Variants in FAR2 observed in about 807,000 individuals in gnomAD.
FAR2 encodes the protein epididymis secretory protein Li 81.
Under a neutral mutation model 56.0 loss-of-function variants are expected in FAR2, and 19 were observed. The observed-to-expected ratio is 0.34, with a 90% CI of 0.24 to 0.50. The LOEUF (loss-of-function observed/expected upper bound fraction) is 0.50, where lower values mean the gene tolerates loss of function less well. FAR2 is among the 20% of genes least tolerant of loss of function. The probability of loss-of-function intolerance (pLI) is 0.98; values close to 1 mark genes in which losing one functional copy is unlikely to be tolerated. For missense variants in FAR2, 508 were observed against 642.2 expected, an observed-to-expected ratio of 0.79 and a Z score of 2.26; for synonymous variants, 219 against 218.8, an observed-to-expected ratio of 1.00 and a Z score of -0.01.
chr12:29,254,064 C>T (rs932153309), intron 1 of FAR2, among the ~76,000 whole-genome samples: 6 of 152,140 alleles, frequency 3.9e-5, no homozygotes, highest in Admixed American at 2.6e-4. Flanking sequence ...GACTATCTCT[C>T]CCCAGCTGGG....
intron 1 of FAR2, among the ~76,000 whole-genome samples, chr12:29,269,996 C>G (rs1042918113): frequency 3.3e-5 from 5 of 152,190 alleles, no homozygotes; most frequent in African/African-American, 7.2e-5. Context: ...ACACCATGAC[C>G]CCAGCCCTTC....
intron 1 of FAR2, among the ~76,000 whole-genome samples, chr12:29,208,901 C>A (rs1947508387): frequency 6.6e-6 from 1 of 152,022 alleles, no homozygotes; most frequent in African/African-American, 2.4e-5. Context: ...GTTCCAATGG[C>A]AAAATGCAAC....
At chr12:29,295,179 T>G (rs1949038947) in intron 3 of FAR2, among the ~76,000 whole-genome samples, 1 of 152,184 alleles carries the variant, frequency 6.6e-6, no homozygotes, top group African/African-American at 2.4e-5. Context: ...TTCAAGTGAT[T>G]CTTTTGCCTC....
At chr12:29,257,199 C>T (rs1413611149) in intron 1 of FAR2, among the ~76,000 whole-genome samples, 1 of 151,838 alleles carries the variant, frequency 6.6e-6, no homozygotes, top group African/African-American at 2.4e-5. Flanking sequence ...GGTTTGTAAA[C>T]ACACCAATCA....
chr12:29,238,216 A>AT (rs35944690), intron 1 of FAR2, among the ~76,000 whole-genome samples: 46,571 of 151,876 alleles, frequency 0.31, 8,983 homozygotes, highest in Admixed American at 0.46. Flanking sequence ...GTAAGGCCAG[A>AT]TTTTTTTCCT....
At chr12:29,167,630 C>A (rs1363365173) in intron 1 of FAR2, among the ~76,000 whole-genome samples, 1 of 152,140 alleles carries the variant, frequency 6.6e-6, no homozygotes, top group African/African-American at 2.4e-5. Context: ...ATCACTTTTC[C>A]TCTTGTGGTT....
intron 9 of FAR2, among the ~76,000 whole-genome samples, chr12:29,320,467 C>T (rs1244760139): frequency 6.6e-6 from 1 of 152,120 alleles, no homozygotes; most frequent in African/African-American, 2.4e-5. Context: ...AAGAAATTTC[C>T]TATGATACAG....
At chr12:29,234,961 C>G (rs536341221) in intron 1 of FAR2, among the ~76,000 whole-genome samples, 1 of 152,094 alleles carries the variant, frequency 6.6e-6, no homozygotes, top group Non-Finnish European at 1.5e-5. Context: ...ATTACAATAT[C>G]TTGGAGAGTG....
At chr12:29,248,765 C>T (rs919529944) in intron 1 of FAR2, among the ~76,000 whole-genome samples, 3 of 152,144 alleles carry the variant, frequency 2.0e-5, no homozygotes, top group Non-Finnish European at 4.4e-5. Flanking sequence ...AAGATGGCCA[C>T]GCCCAGCGGG....
At chr12:29,308,283 G>C (rs971887889) in intron 5 of FAR2, among the ~76,000 whole-genome samples, 1 of 152,094 alleles carries the variant, frequency 6.6e-6, no homozygotes, top group African/African-American at 2.4e-5. Context: ...ATGACCTTTT[G>C]AAAGTACTTT....
chr12:29,293,925 G>A (rs1949014863), intron 3 of FAR2, among the ~76,000 whole-genome samples: 1 of 152,032 alleles, frequency 6.6e-6, no homozygotes, highest in South Asian at 2.1e-4. Flanking sequence ...ACATCTGTGT[G>A]CATGTGTATT....
intron 4 of FAR2, among the ~76,000 whole-genome samples, 168 bp from the exon 5 acceptor site, chr12:29,307,490 T>A (rs115529954): frequency 1.3e-5 from 2 of 152,264 alleles, no homozygotes; most frequent in African/African-American, 4.8e-5. Context: ...AGCAAAAAGC[T>A]CATGCATGCT....
At chr12:29,223,891 A>G (rs1183322490) in intron 1 of FAR2, 2 of 152,358 alleles carry the variant, frequency 1.3e-5, no homozygotes, top group East Asian at 1.9e-4. Flanking sequence ...AACTAGACAA[A>G]AAGGTAAGAG....
rs1453103970 is a variant in FAR2 at position 29,333,978 on chromosome 12, T to C, written c.*184T>C. 1 of 505,788 alleles carries C rather than the reference T, an allele frequency of 2.0e-6. No individual in the cohort carries two copies. The highest frequency in any genetic ancestry group is 4.2e-5 in the South Asian group (1 of 23,938). The allele number at this position is 505,788 out of a possible 1,614,324, so 31.3% of individuals were successfully genotyped here. A position where few individuals can be genotyped will look rare whatever the true frequency, so the allele number is the denominator to read the frequency against. On this transcript the variant is annotated 3_prime_UTR_variant, in exon 12 of 12. Transcript: ENST00000536681. ...CAGTGAGAGAAGGAAAGTTGTAAAC[T>C]AGCCCATAGTCACCTATATTTTAGG...
At chr12:29,325,926 C>A (rs916644967) in intron 10 of FAR2, among the ~76,000 whole-genome samples, 1 of 151,922 alleles carries the variant, frequency 6.6e-6, no homozygotes, top group Non-Finnish European at 1.5e-5. Flanking sequence ...GAAATAGAGA[C>A]CCAAAAAAAC....
At chr12:29,220,571 C>CA (rs1947674087) in intron 1 of FAR2, among the ~76,000 whole-genome samples, 1 of 152,068 alleles carries the variant, frequency 6.6e-6, no homozygotes, top group Admixed American at 6.6e-5. Flanking sequence ...AAGTAACTGA[C>CA]AAAAAATTGT....
chr12:29,280,645 T>C (rs1289356948), intron 2 of FAR2: 1 of 152,218 alleles, frequency 6.6e-6, no homozygotes, highest in African/African-American at 2.4e-5. Context: ...GTAGGTGTAA[T>C]TGGTAGAAGG....
chr12:29,173,872 A>G (rs753062890), intron 1 of FAR2, among the ~76,000 whole-genome samples: 2 of 152,140 alleles, frequency 1.3e-5, no homozygotes, highest in Non-Finnish European at 2.9e-5. Context: ...AGGAGGACTG[A>G]GGAAGGTTGG....
At chr12:29,263,470 T>C (rs1246838685) in intron 1 of FAR2, among the ~76,000 whole-genome samples, 4 of 151,666 alleles carry the variant, frequency 2.6e-5, no homozygotes, top group African/African-American at 9.7e-5. Context: ...CACAATGGAG[T>C]AAAAGTAGAA....
Sources: gnomAD v4.1 joint callset for allele counts (sites outside exome capture counted in the v4.1 genomes callset) on GRCh38, gnomAD v4.1.1 for gene constraint, MANE v1.5 for transcripts, NCBI Gene and HGNC (gene_info 2026-07-23, HGNC 2026-07-21) for gene names.